The following UBXN7 variants were observed in gnomAD, a reference collection of about 807,000 sequenced individuals.
UBXN7 encodes the protein UBX domain-containing protein 7.
Under a neutral mutation model 58.0 loss-of-function variants are expected in UBXN7, and 9 were observed. The observed-to-expected ratio is 0.16, with a 90% CI of 0.09 to 0.27. UBXN7 has a LOEUF of 0.27. UBXN7 is among the 10% of genes least tolerant of loss of function. The probability of loss-of-function intolerance (pLI) is 1.00; values close to 1 mark genes in which losing one functional copy is unlikely to be tolerated. For missense variants in UBXN7, 328 were observed against 599.6 expected, an observed-to-expected ratio of 0.55 and a Z score of 4.73; for synonymous variants, 208 against 205.0, an observed-to-expected ratio of 1.01 and a Z score of -0.12.
chr3:196,369,372 C>G, intron 7 of UBXN7, 49 bp downstream of exon 7: 1 of 1,377,678 alleles, frequency 7.3e-7, no homozygotes. Flanking sequence ...ATTTAGGTAA[C>G]TGAAAGACAA....
intron 1 of UBXN7, among the ~76,000 whole-genome samples, chr3:196,408,150 G>A (rs182842327): frequency 1.7e-4 from 25 of 147,396 alleles, no homozygotes; most frequent in African/African-American, 5.2e-4. Flanking sequence ...GCAAAGAAGT[G>A]AGATGGAACA....
At chr3:196,421,594 A>ACC (rs1047479700) in intron 1 of UBXN7, among the ~76,000 whole-genome samples, 1 of 146,656 alleles carries the variant, frequency 6.8e-6, no homozygotes, top group Non-Finnish European at 1.5e-5. Context: ...ACATGGTGAA[A>ACC]CCCCCCCCCA....
chr3:196,405,878 C>A (rs1730146449), intron 2 of UBXN7, among the ~76,000 whole-genome samples: 1 of 152,134 alleles, frequency 6.6e-6, no homozygotes, highest in Admixed American at 6.6e-5. Context: ...TAGGGCAATT[C>A]ATTAGGAAAA....
intron 1 of UBXN7, among the ~76,000 whole-genome samples, chr3:196,418,470 ATG>A (rs1730574396): frequency 6.6e-6 from 1 of 152,222 alleles, no homozygotes; most frequent in Non-Finnish European, 1.5e-5. Flanking sequence ...TGCTATGAAC[ATG>A]TGTCTCATTC....
chr3:196,358,822 CTT>C (rs76477098), intron 10 of UBXN7, among the ~76,000 whole-genome samples: 38 of 138,978 alleles, frequency 2.7e-4, no homozygotes, highest in Admixed American at 2.9e-4. Context: ...ACACCTCTTT[CTT>C]TTTTTTTTTT....
chr3:196,368,689 G>C (rs11920918), intron 7 of UBXN7, among the ~76,000 whole-genome samples: 1 of 152,164 alleles, frequency 6.6e-6, no homozygotes, highest in Non-Finnish European at 1.5e-5. Flanking sequence ...CATTTAGGAA[G>C]AAGAGATTCA....
At chr3:196,370,263 G>A in intron 6 of UBXN7, among the ~76,000 whole-genome samples, 1 of 125,340 alleles carries the variant, frequency 8.0e-6, no homozygotes, top group African/African-American at 2.9e-5. Context: ...TCCACGAGAA[G>A]TTTTTTTGTT....
intron 1 of UBXN7, among the ~76,000 whole-genome samples, chr3:196,430,179 A>G (rs1010142845): frequency 6.6e-6 from 1 of 150,658 alleles, no homozygotes; most frequent in African/African-American, 2.4e-5. Context: ...ACATGATGAA[A>G]CCCCGCCTCT....
intron 5 of UBXN7, 43 bp downstream of exon 5, chr3:196,391,770 C>T: frequency 6.8e-7 from 1 of 1,464,064 alleles, no homozygotes; most frequent in Non-Finnish European, 9.4e-7. Context: ...ATTGAAAATG[C>T]AAAAGGATTC....
rs971389853 is a variant in UBXN7, at chr3:196,362,371, A to C, written c.1151T>G (p.Leu384Trp). ...DPGTATNHQG[L>W]PAVDSEILEM... ...CAGTATCTCTGAATCCACAGCTGGCAATCCTTGGTGGTTTGTGGCTGTTCC... is the reference window on the plus strand; with the variant it reads ...CAGTATCTCTGAATCCACAGCTGGCCATCCTTGGTGGTTTGTGGCTGTTCC... The change falls in exon 9 of 11, where the codon TTG (leucine) becomes TGG (tryptophan). Residue 384 changes from leucine (L) to tryptophan (W), a missense_variant. Physicochemically the swap from Leu to Trp is moderately conservative, Grantham distance 61 (BLOSUM62 -2). Around this residue, in one of 4 missense-constraint regions of UBXN7, gnomAD observed 66 missense variants for 77.9 expected, o/e 0.85. Transcript: ENST00000296328. 5.0e-6 allele frequency: 8 copies of C among 1,614,168 alleles called. No homozygotes were observed. Among genetic ancestry groups the C allele is most frequent in the Non-Finnish European group, 6.8e-6 (8 of 1,180,028 alleles).
In UBXN7 at chr3:196,393,545, G is replaced by A. The variant is rs954608452; in HGVS notation, c.355+9C>T. 1.2e-6 allele frequency: 2 copies of A among 1,611,482 alleles called. No homozygotes were observed. Among genetic ancestry groups the A allele is most frequent in the Admixed American group, 3.3e-5 (2 of 59,866 alleles). ...GAGGGAGATGATAAACTGGTCCATA[G>A]ATACCTACTAGTTTCAGTCTGAAAA... On this transcript the variant is annotated intron_variant, in intron 4 of 10. Transcript: ENST00000296328.
At chr3:196,431,785 G>C (rs1053230170) in intron 1 of UBXN7, 1 of 440,360 alleles carries the variant, frequency 2.3e-6, no homozygotes, top group Admixed American at 2.5e-5. Context: ...CGAACCCACC[G>C]GCCTTGCCGT....
chr3:196,418,795 G>A (rs1042235021), intron 1 of UBXN7, among the ~76,000 whole-genome samples: 1 of 152,172 alleles, frequency 6.6e-6, no homozygotes, highest in Non-Finnish European at 1.5e-5. Context: ...TAAAACCATA[G>A]TAACGGAAGT....
chr3:196,414,424 A>G (rs902161075), intron 1 of UBXN7, among the ~76,000 whole-genome samples: 2 of 152,188 alleles, frequency 1.3e-5, no homozygotes, highest in African/African-American at 4.8e-5. Flanking sequence ...ACAGTTCTGT[A>G]TTGCTGATTG....
chr3:196,394,286 CA>C (rs34194652), intron 3 of UBXN7, among the ~76,000 whole-genome samples: 9,696 of 88,052 alleles, frequency 0.11, 380 homozygotes, highest in South Asian at 0.22. Context: ...AACTCCATCT[CA>C]AAAAAAAAAA....
chr3:196,409,067 AC>A (rs1730247534), intron 1 of UBXN7, among the ~76,000 whole-genome samples: 1 of 151,902 alleles, frequency 6.6e-6, no homozygotes, highest in African/African-American at 2.4e-5. Flanking sequence ...TTATGTCTCA[AC>A]CTTTCTTTCA....
chr3:196,371,229 AC>A lies in UBXN7; in HGVS notation c.615+666del, dbSNP rs535840148. Among the ~76,000 whole-genome samples the A allele has an allele frequency of 1.6e-4, 24 of 152,330 alleles. No homozygotes were observed. In the East Asian group the frequency reaches 4.4e-3, roughly 28 times the overall value. ...ACTACCCACAAGTGGCTACTGAAGC[AC>A]CTGAAATCTTGCTACTCCAAATGGA... is the stretch of plus-strand genomic sequence containing the variant. On this transcript the variant is annotated intron_variant, in intron 6 of 10. Coordinates refer to ENST00000296328, the MANE Select transcript of UBXN7 (RefSeq NM_015562.2).
At chr3:196,359,798 G>A (rs1025605805) in intron 10 of UBXN7, among the ~76,000 whole-genome samples, 2 of 151,922 alleles carry the variant, frequency 1.3e-5, no homozygotes, top group African/African-American at 2.4e-5. Context: ...CCAGCTACTC[G>A]GGAGGCTGAG....
chr3:196,380,489 T>C (rs1237141168), intron 5 of UBXN7, among the ~76,000 whole-genome samples: 1 of 152,206 alleles, frequency 6.6e-6, no homozygotes, highest in Non-Finnish European at 1.5e-5. Flanking sequence ...CTTAAGCTAC[T>C]GTTTGTTTGT....
Sources: gnomAD v4.1 joint callset for allele counts (sites outside exome capture counted in the v4.1 genomes callset) on GRCh38, gnomAD v4.1.1 for gene constraint, gnomAD v4.1.1 regional missense constraint, MANE v1.5 for transcripts, NCBI Gene and HGNC (gene_info 2026-07-23, HGNC 2026-07-21) for gene names.